TMEM74: variants seen among roughly 807,000 people sequenced by gnomAD.
TMEM74 encodes transmembrane protein 74.
TMEM74 carries 13 observed loss-of-function variants against 18.1 expected under a neutral mutation model. The ratio of observed to expected loss-of-function variants is 0.72; its 90% confidence interval spans 0.47 to 1.14. The LOEUF (loss-of-function observed/expected upper bound fraction) is 1.14, where lower values mean the gene tolerates loss of function less well. TMEM74 is among the 50% of genes most tolerant of loss of function. The pLI is 0.00. For missense variants in TMEM74, 372 were observed against 375.9 expected, an observed-to-expected ratio of 0.99 and a Z score of 0.09; for synonymous variants, 159 against 146.6, an observed-to-expected ratio of 1.08 and a Z score of -0.61.
rs1437155950 is a variant in TMEM74, at chr8:108,783,230, G to A, written c.*951C>T. ...CCAAAAGTCTAGCTGCAATTCTATT[G>A]GTGGTTTTCCCCAAACAGCAATAAC... On this transcript the variant is annotated 3_prime_UTR_variant, in exon 2 of 2. Coordinates refer to ENST00000297459, the MANE Select transcript of TMEM74 (RefSeq NM_153015.3). Among the ~76,000 whole-genome samples, 1 of 152,050 alleles carries A rather than the reference G, an allele frequency of 6.6e-6. No individual in the cohort carries two copies. Among genetic ancestry groups the A allele is most frequent in the Non-Finnish European group, 1.5e-5 (1 of 68,020 alleles).
At chr8:108,675,846 T>A (rs111398688) in intron 1 of TMEM74, among the ~76,000 whole-genome samples, 4,472 of 152,318 alleles carry the variant, frequency 0.029, 121 homozygotes, top group African/African-American at 0.066. Flanking sequence ...TTCCAGGGGA[T>A]GCCACTTATT....
At chr8:108,701,490 C>A (rs1813334456) in intron 1 of TMEM74, among the ~76,000 whole-genome samples, 1 of 152,130 alleles carries the variant, frequency 6.6e-6, no homozygotes, top group South Asian at 2.1e-4. Context: ...TCTGATTTAA[C>A]AAAATCTGAT....
intron 1 of TMEM74, among the ~76,000 whole-genome samples, chr8:108,759,791 T>A (rs1305043195): frequency 1.3e-5 from 2 of 152,086 alleles, no homozygotes; most frequent in Non-Finnish European, 2.9e-5. Flanking sequence ...AGATTTAAAT[T>A]TCATGGTATA....
chr8:108,692,141 G>A (rs1470583161), intron 1 of TMEM74, among the ~76,000 whole-genome samples: 1 of 152,160 alleles, frequency 6.6e-6, no homozygotes, highest in African/African-American at 2.4e-5. Context: ...AGCAGAAACC[G>A]ATTTTTGTGC....
intron 1 of TMEM74, among the ~76,000 whole-genome samples, chr8:108,732,929 T>A (rs947400466): frequency 1.3e-5 from 2 of 152,038 alleles, no homozygotes; most frequent in Non-Finnish European, 2.9e-5. Flanking sequence ...TAATATGCAC[T>A]TTAAAAAGCA....
At chr8:108,689,375 G>A (rs543372330) in intron 1 of TMEM74, among the ~76,000 whole-genome samples, 1 of 152,162 alleles carries the variant, frequency 6.6e-6, no homozygotes, top group African/African-American at 2.4e-5. Context: ...TTTTCATAGA[G>A]TAACGAACCA....
chr8:108,735,802 C>T (rs992259062), intron 1 of TMEM74, among the ~76,000 whole-genome samples: 1 of 152,130 alleles, frequency 6.6e-6, no homozygotes, highest in African/African-American at 2.4e-5. Context: ...ATATCTCACT[C>T]TCCAGCCACA....
intron 2 of TMEM74, among the ~76,000 whole-genome samples, chr8:108,621,492 T>G (rs997227213): frequency 1.3e-5 from 2 of 152,148 alleles, no homozygotes; most frequent in African/African-American, 2.4e-5. Context: ...GCCCATTTTT[T>G]TGTGTGAATT....
At position 108,780,947 on chromosome 8, in the gene TMEM74, G is replaced by T. The variant is rs1169321222; in HGVS notation, c.*3234C>A. Among the ~76,000 whole-genome samples the T allele has an allele frequency of 1.3e-5, 2 of 152,116 alleles. No homozygotes were observed. Among genetic ancestry groups the T allele is most frequent in the Non-Finnish European group, 2.9e-5 (2 of 68,020 alleles). On this transcript the variant is annotated 3_prime_UTR_variant, in exon 2 of 2. Transcript: ENST00000297459. ...CTCTTTGCAAACTCTACCACTAACA[G>T]TTTAAGGTGCCCTAAAAAGAACTGG...
intron 1 of TMEM74, among the ~76,000 whole-genome samples, chr8:108,707,998 G>C (rs915249566): frequency 1.3e-5 from 2 of 152,074 alleles, no homozygotes; most frequent in African/African-American, 2.4e-5. Context: ...ATAGTACTTG[G>C]ATAGGTAGTT....
intron 1 of TMEM74, among the ~76,000 whole-genome samples, chr8:108,701,876 A>G (rs987971411): frequency 2.0e-5 from 3 of 152,160 alleles, no homozygotes; most frequent in African/African-American, 7.2e-5. Flanking sequence ...AATCCCAAGA[A>G]GCGATTTTGT....
At chr8:108,645,928 G>T (rs1424464201) in intron 2 of TMEM74, among the ~76,000 whole-genome samples, 1 of 152,112 alleles carries the variant, frequency 6.6e-6, no homozygotes, top group South Asian at 2.1e-4. Context: ...GATTTAAATA[G>T]GTTGAATTGT....
intron 1 of TMEM74, among the ~76,000 whole-genome samples, chr8:108,691,390 T>C (rs1190570618): frequency 2.0e-5 from 3 of 152,180 alleles, no homozygotes; most frequent in Admixed American, 6.5e-5. Context: ...CCAGAACATG[T>C]GATCAAAACA....
intron 1 of TMEM74, among the ~76,000 whole-genome samples, chr8:108,752,165 C>T (rs1813910804): frequency 6.6e-6 from 1 of 152,094 alleles, no homozygotes; most frequent in South Asian, 2.1e-4. Context: ...TGGTAAAGAG[C>T]ACTGGATCTG....
chr8:108,777,120 A>G (rs573921089), downstream of TMEM74, among the ~76,000 whole-genome samples: 1 of 152,278 alleles, frequency 6.6e-6, no homozygotes, highest in East Asian at 1.9e-4. Flanking sequence ...TATTATTCTC[A>G]TTTTACAGAT....
intron 2 of TMEM74, among the ~76,000 whole-genome samples, chr8:108,620,266 TAA>T (rs1812426537): frequency 6.6e-6 from 1 of 152,180 alleles, no homozygotes; most frequent in Non-Finnish European, 1.5e-5. Flanking sequence ...AAAAAAGAGA[TAA>T]TCATTGAGTA....
At chr8:108,679,909 C>G (rs1006370006) in intron 1 of TMEM74, among the ~76,000 whole-genome samples, 2 of 152,140 alleles carry the variant, frequency 1.3e-5, no homozygotes, top group African/African-American at 4.8e-5. Flanking sequence ...ACTAAAAACA[C>G]CTCTGCACAA....
At chr8:108,787,408 C>T (rs1258805638) in intron 1 of TMEM74, 68 bp downstream of exon 1, 2 of 152,354 alleles carry the variant, frequency 1.3e-5, no homozygotes, top group Non-Finnish European at 2.9e-5. Flanking sequence ...CGCTCCAGCT[C>T]TGCTAGGCTC....
At chr8:108,763,070 A>T (rs1313009477) in intron 1 of TMEM74, among the ~76,000 whole-genome samples, 1 of 152,134 alleles carries the variant, frequency 6.6e-6, no homozygotes, top group Non-Finnish European at 1.5e-5. Context: ...ACCTTTCCAC[A>T]GTCATTCCCA....
Sources: allele counts gnomAD v4.1 joint callset (sites outside exome capture counted in the v4.1 genomes callset), GRCh38; gene constraint gnomAD v4.1.1; transcripts MANE v1.5; gene names NCBI Gene and HGNC (gene_info 2026-07-23, HGNC 2026-07-21).